Variants in NMT2 observed in about 807,000 individuals in gnomAD.
The protein encoded by NMT2 is glycylpeptide N-tetradecanoyltransferase 2.
NMT2 carries 35 observed loss-of-function variants against 65.4 expected under a neutral mutation model. That is an observed-to-expected ratio of 0.54 (90% CI 0.41 to 0.71). The LOEUF (loss-of-function observed/expected upper bound fraction) is 0.71. Ranked by LOEUF, NMT2 falls within the 30% of genes least tolerant of loss-of-function variation. The pLI, the probability that NMT2 is intolerant of heterozygous loss-of-function variation, is 0.00. For synonymous variants in NMT2, 226 were observed against 231.8 expected, an observed-to-expected ratio of 0.98 and a Z score of 0.23; for missense variants, 489 against 611.3, an observed-to-expected ratio of 0.80 and a Z score of 2.11.
At chr10:15,142,053 G>T (rs535222826) in intron 1 of NMT2, among the ~76,000 whole-genome samples, 1 of 152,308 alleles carries the variant, frequency 6.6e-6, no homozygotes, top group Admixed American at 6.5e-5. Flanking sequence ...AGCTTTAAGT[G>T]TCTAACTACA....
intron 10 of NMT2, among the ~76,000 whole-genome samples, chr10:15,110,134 G>A (rs1303785651): frequency 2.6e-5 from 4 of 152,168 alleles, no homozygotes; most frequent in Non-Finnish European, 5.9e-5. Flanking sequence ...TAAGCCAGAT[G>A]TGGTGGCGCA....
At chr10:15,167,169 C>G (rs1486112010) in intron 1 of NMT2, among the ~76,000 whole-genome samples, 2 of 123,590 alleles carry the variant, frequency 1.6e-5, no homozygotes, top group Admixed American at 7.3e-5. Flanking sequence ...ATGCAATTTC[C>G]TTTCCTCTCT....
In NMT2 at chr10:15,112,841, C is replaced by T. The variant is rs1479591981; in HGVS notation, c.1293G>A (p.Thr431=). 2 of 1,613,976 alleles carry T rather than the reference C, an allele frequency of 1.2e-6. No individual in the cohort carries two copies. The highest frequency in any genetic ancestry group is 1.7e-6 in the Non-Finnish European group (2 of 1,179,968). Residue 431 remains threonine, a synonymous_variant, in exon 10 of 12, where the codon ACG becomes ACA. Transcript: ENST00000378165. ...AYSFYNIHTE[T]PLLDLMSDAL... is the part of the protein sequence containing the mutation. ...CGTCGCTCATGAGGTCCAGCAGGGG[C>T]GTCTCTGTGTGGATGTTGTAGAATG...
At chr10:15,114,741 G>A (rs1845690082) in intron 9 of NMT2, among the ~76,000 whole-genome samples, 1 of 152,200 alleles carries the variant, frequency 6.6e-6, no homozygotes, top group Admixed American at 6.5e-5. Context: ...GGTGGCTCAT[G>A]CCTGTAATCT....
intron 9 of NMT2, among the ~76,000 whole-genome samples, chr10:15,119,057 C>G (rs1384458006): frequency 6.6e-6 from 1 of 152,232 alleles, no homozygotes; most frequent in Non-Finnish European, 1.5e-5. Flanking sequence ...GTGGGTAAAG[C>G]TGCTGGTGCC....
At chr10:15,114,718 T>C (rs1044135527) in intron 9 of NMT2, among the ~76,000 whole-genome samples, 1 of 152,076 alleles carries the variant, frequency 6.6e-6, no homozygotes, top group African/African-American at 2.4e-5. Flanking sequence ...ATTAGCAAAC[T>C]AGGGCTGGGC....
At chr10:15,135,811 G>C (rs1470937114) in intron 2 of NMT2, among the ~76,000 whole-genome samples, 1 of 151,932 alleles carries the variant, frequency 6.6e-6, no homozygotes, top group Non-Finnish European at 1.5e-5. Context: ...TGCTCTGCAG[G>C]AGCAACGAGG....
chr10:15,164,982 G>A (rs970353160), intron 1 of NMT2, among the ~76,000 whole-genome samples: 3 of 152,114 alleles, frequency 2.0e-5, no homozygotes, highest in Non-Finnish European at 4.4e-5. Context: ...TAACCAACAC[G>A]GTAAAATCCT....
intron 1 of NMT2, chr10:15,155,422 G>A: frequency 1.8e-6 from 1 of 544,292 alleles, no homozygotes; most frequent in Non-Finnish European, 3.3e-6. Flanking sequence ...AGGCTGAAGT[G>A]CAGTGATGCA....
At chr10:15,128,488 A>C in intron 7 of NMT2, 30 bp from the exon 8 acceptor site, 1 of 1,324,538 alleles carries the variant, frequency 7.5e-7, no homozygotes, top group Non-Finnish European at 1.1e-6. Context: ...TTAAAATCAA[A>C]TTGATTTCTA....
chr10:15,142,612 A>C (rs1293941670), intron 1 of NMT2, among the ~76,000 whole-genome samples: 1 of 152,224 alleles, frequency 6.6e-6, no homozygotes, highest in African/African-American at 2.4e-5. Flanking sequence ...TCCAATTCTA[A>C]AATAGAAAAC....
intron 1 of NMT2, among the ~76,000 whole-genome samples, chr10:15,158,730 ATTAC>A (rs1269143278): frequency 3.3e-5 from 5 of 152,202 alleles, no homozygotes; most frequent in Non-Finnish European, 1.5e-5. Context: ...CGATAGACTG[ATTAC>A]TTAAAGAAAA....
rs764943700 is a variant in NMT2 at position 15,109,698 on chromosome 10, T to C, written c.1476+4A>G. The C allele has an allele frequency of 1.2e-6, 2 of 1,604,244 alleles. No homozygotes were observed. The highest frequency in any genetic ancestry group is 3.5e-5 in the Admixed American group (2 of 57,848). Reference sequence around the variant, plus strand: ...TTTACAAGGGCTATATCCATTTCACTTACCTTTTCAGAATCTGTACCTGGA... The same window carrying C: ...TTTACAAGGGCTATATCCATTTCACCTACCTTTTCAGAATCTGTACCTGGA... On this transcript the variant is annotated splice_donor_region_variant and intron_variant, in intron 11 of 11. Coordinates refer to ENST00000378165, the MANE Select transcript of NMT2 (RefSeq NM_004808.3).
In NMT2 at chr10:15,108,620, T is replaced by A; in HGVS notation, c.*575A>T. 2 of 986,800 alleles carry A rather than the reference T, an allele frequency of 2.0e-6. No homozygotes were observed. Among genetic ancestry groups the A allele is most frequent in the Non-Finnish European group, 2.4e-6 (2 of 831,012 alleles). 61.1% of individuals were successfully genotyped at this position (986,800 alleles called of 1,614,324 possible). A position where few individuals can be genotyped will look rare whatever the true frequency, so the allele number is the denominator to read the frequency against. The stretch of plus-strand genomic sequence containing the variant: ...AACTCTGCTTATGGAGAAATACATG[T>A]ACTAGTCACCAGTACATTTTAATAT... On this transcript the variant is annotated 3_prime_UTR_variant, in exon 12 of 12. Coordinates refer to ENST00000378165, the MANE Select transcript of NMT2 (RefSeq NM_004808.3).
chr10:15,144,760 G>A (rs1173802033), intron 1 of NMT2, among the ~76,000 whole-genome samples: 4 of 152,098 alleles, frequency 2.6e-5, no homozygotes, highest in Non-Finnish European at 5.9e-5. Context: ...CCAGTGCTGG[G>A]GAGGATGGAG....
At chr10:15,157,210 C>A (rs1833032869) in intron 1 of NMT2, among the ~76,000 whole-genome samples, 1 of 152,112 alleles carries the variant, frequency 6.6e-6, no homozygotes, top group African/African-American at 2.4e-5. Context: ...TGAGTTTAAG[C>A]CAGGAACAGA....
chr10:15,135,259 A>C lies in NMT2; in HGVS notation c.391+15T>G, dbSNP rs1192154614. The C allele has an allele frequency of 6.2e-7, 1 of 1,613,448 alleles. No individual in the cohort carries two copies. The highest frequency in any genetic ancestry group is 1.7e-5 in the Admixed American group (1 of 59,870). ...TTGTTTGTGGGGAAAAAAAGAGAAA[A>C]GCAGAAAAACTTACCTAGTTTTGGT... On this transcript the variant is annotated intron_variant, in intron 3 of 11. Coordinates refer to ENST00000378165, the MANE Select transcript of NMT2 (RefSeq NM_004808.3).
At position 15,119,332 on chromosome 10, in the gene NMT2, C is replaced by T. The variant is rs1420834168; in HGVS notation, c.1170+11G>A. ...CAAGGAGAAGCTTTATGTTTATCAC[C>T]TTGTCTTTACCTCCACTACAAACGT... On this transcript the variant is annotated intron_variant, in intron 9 of 11. Transcript: ENST00000378165. 1.2e-6 allele frequency: 2 copies of T among 1,612,976 alleles called. No homozygotes were observed. Among genetic ancestry groups the T allele is most frequent in the African/African-American group, 2.7e-5 (2 of 74,890 alleles).
At chr10:15,118,750 G>A (rs983573122) in intron 9 of NMT2, among the ~76,000 whole-genome samples, 6 of 152,136 alleles carry the variant, frequency 3.9e-5, no homozygotes, top group African/African-American at 1.4e-4. Flanking sequence ...TTTAAAATCT[G>A]ACCATACCCA....
Sources: allele counts gnomAD v4.1 joint callset (sites outside exome capture counted in the v4.1 genomes callset), GRCh38; gene constraint gnomAD v4.1.1; transcripts MANE v1.5; gene names NCBI Gene and HGNC (gene_info 2026-07-23, HGNC 2026-07-21).